LAMA2: variants seen among roughly 807,000 people sequenced by gnomAD.
The protein encoded by LAMA2 is laminin subunit alpha 2.
In LAMA2, 269 loss-of-function variants were observed where a neutral mutation model predicts 364.8. The ratio of observed to expected loss-of-function variants is 0.74; its 90% CI spans 0.67 to 0.82. The LOEUF is 0.82. LAMA2 is among the 40% of genes least tolerant of loss of function. The pLI, the probability that LAMA2 is intolerant of heterozygous loss-of-function variation, is 0.00. For synonymous variants in LAMA2, 1,379 were observed against 1,370.6 expected, an observed-to-expected ratio of 1.01 and a Z score of -0.14; for missense variants, 3,807 against 3,873.2, an observed-to-expected ratio of 0.98 and a Z score of 0.45.
chr6:129,053,921 G>A (rs1215153762), intron 2 of LAMA2, among the ~76,000 whole-genome samples: 3 of 152,184 alleles, frequency 2.0e-5, no homozygotes, highest in Non-Finnish European at 4.4e-5. Context: ...AGATGCTTGG[G>A]GGGAAAGGCA....
At chr6:128,995,735 T>G (rs1333595271) in intron 1 of LAMA2, among the ~76,000 whole-genome samples, 3 of 152,006 alleles carry the variant, frequency 2.0e-5, no homozygotes, top group African/African-American at 7.3e-5. Context: ...AAATCAGTAA[T>G]TTTTTATGTT....
intron 35 of LAMA2, among the ~76,000 whole-genome samples, chr6:129,386,754 C>G (rs1289339381): frequency 6.6e-6 from 1 of 152,044 alleles, no homozygotes; most frequent in Non-Finnish European, 1.5e-5. Flanking sequence ...TCTCCAAAAC[C>G]CATATCTAAA....
At chr6:129,448,899 G>T (rs1355072518) in intron 45 of LAMA2, among the ~76,000 whole-genome samples, 2 of 152,100 alleles carry the variant, frequency 1.3e-5, no homozygotes, top group South Asian at 2.1e-4. Context: ...ATATCCTAAA[G>T]ATTTCTTCTA....
At chr6:128,995,448 A>T (rs961620810) in intron 1 of LAMA2, among the ~76,000 whole-genome samples, 1 of 152,158 alleles carries the variant, frequency 6.6e-6, no homozygotes, top group South Asian at 2.1e-4. Context: ...CAGCCTCCAT[A>T]GTAGCTGGGA....
At chr6:129,361,947 C>A (rs768818714) in intron 32 of LAMA2, among the ~76,000 whole-genome samples, 82 of 151,840 alleles carry the variant, frequency 5.4e-4, no homozygotes, top group Non-Finnish European at 9.6e-4. Flanking sequence ...CCACACCTGG[C>A]TAATTTTTGT....
At chr6:129,242,525 C>A (rs757331897) in intron 12 of LAMA2, among the ~76,000 whole-genome samples, 10 of 151,962 alleles carry the variant, frequency 6.6e-5, no homozygotes, top group South Asian at 2.1e-4. Context: ...AAATTTTGAA[C>A]CCTAGTCAAT....
Position 129,200,155 on chromosome 6 carries a change from T to TACAC in LAMA2, c.1782+7303_1782+7304insCACA, listed in dbSNP as rs1782122060. Among the ~76,000 whole-genome samples, 6 of 138,940 alleles carry TACAC rather than the reference T, an allele frequency of 4.3e-5. 1 individual carries two copies. The highest frequency in any genetic ancestry group is 1.6e-4 in the African/African-American group (6 of 38,004). The allele number at this position is 138,940 out of a possible 152,430, so 91.2% of individuals were successfully genotyped here. A position where few individuals can be genotyped will look rare whatever the true frequency, so the allele number is the denominator to read the frequency against. On this transcript the variant is annotated intron_variant, in intron 12 of 64. Transcript: ENST00000421865. The stretch of plus-strand genomic sequence containing the variant: ...ATATACGTGTACACATATACACGTG[T>TACAC]ATATATATATACGTGTACACATATA...
chr6:129,043,926 G>A (rs1455058389), intron 1 of LAMA2, among the ~76,000 whole-genome samples: 1 of 150,856 alleles, frequency 6.6e-6, no homozygotes, highest in African/African-American at 2.4e-5. Context: ...GTGTAGGTCT[G>A]GCATCAGTGA....
intron 34 of LAMA2, among the ~76,000 whole-genome samples, chr6:129,379,153 G>T (rs1778537522): frequency 6.6e-6 from 1 of 152,118 alleles, no homozygotes. Context: ...GGAGTTAAAT[G>T]ATGAGAACAC....
At chr6:129,222,088 G>A (rs1783893220) in intron 12 of LAMA2, among the ~76,000 whole-genome samples, 1 of 152,138 alleles carries the variant, frequency 6.6e-6, no homozygotes, top group Non-Finnish European at 1.5e-5. Flanking sequence ...TAACGGGGTG[G>A]TGAGGATTGT....
intron 34 of LAMA2, among the ~76,000 whole-genome samples, chr6:129,379,770 A>G (rs944784917): frequency 6.6e-6 from 1 of 152,234 alleles, no homozygotes; most frequent in African/African-American, 2.4e-5. Context: ...CTTCAACTGT[A>G]GCTCTTGAGC....
intron 1 of LAMA2, among the ~76,000 whole-genome samples, chr6:129,046,451 C>T (rs1313394934): frequency 6.6e-6 from 1 of 152,112 alleles, no homozygotes; most frequent in Non-Finnish European, 1.5e-5. Flanking sequence ...GGGAACTGCA[C>T]TTTATAAAAT....
chr6:129,222,890 T>A (rs536445489), intron 12 of LAMA2, among the ~76,000 whole-genome samples: 4 of 152,320 alleles, frequency 2.6e-5, no homozygotes, highest in Admixed American at 1.3e-4. Flanking sequence ...ATGGTATTTC[T>A]AGTTCTAGAT....
chr6:128,910,969 C>T (rs948724310), intron 1 of LAMA2, among the ~76,000 whole-genome samples: 1 of 151,164 alleles, frequency 6.6e-6, no homozygotes, highest in African/African-American at 2.5e-5. Flanking sequence ...GGTCAGGGAC[C>T]CACTTGAGGA....
rs117520212 is a variant in LAMA2 at position 129,380,452 on chromosome 6, C to T, written c.4960-2670C>T. Among the ~76,000 whole-genome samples the T allele has an allele frequency of 3.7e-3, 562 of 152,234 alleles. 5 individuals carry two copies. The highest frequency in any genetic ancestry group is 3.2e-3 in the Non-Finnish European group (216 of 68,020). On this transcript the variant is annotated intron_variant, in intron 34 of 64. Coordinates refer to ENST00000421865, the MANE Select transcript of LAMA2 (RefSeq NM_000426.4). ...AGACCAAGTTCTCACCCCCTTAGAG[C>T]TTACCTTACAGTTGGAGAGGTTGTC...
chr6:128,924,756 G>A (rs1419236845), intron 1 of LAMA2, among the ~76,000 whole-genome samples: 1 of 152,094 alleles, frequency 6.6e-6, no homozygotes, highest in Non-Finnish European at 1.5e-5. Flanking sequence ...TGACTCCACT[G>A]TAGGCCAACC....
intron 5 of LAMA2, among the ~76,000 whole-genome samples, chr6:129,145,905 G>T (rs927672467): frequency 6.6e-6 from 1 of 151,778 alleles, no homozygotes; most frequent in Non-Finnish European, 1.5e-5. Context: ...ATCTCTATTT[G>T]TGTCTATATT....
At chr6:129,493,083 A>AGGC (rs1562616250) in intron 58 of LAMA2, among the ~76,000 whole-genome samples, 1 of 152,130 alleles carries the variant, frequency 6.6e-6, no homozygotes, top group Non-Finnish European at 1.5e-5. Context: ...TGAACCCAGG[A>AGGC]GGCGGAGGTT....
At chr6:128,903,435 A>T (rs1012883943) in intron 1 of LAMA2, among the ~76,000 whole-genome samples, 2 of 152,198 alleles carry the variant, frequency 1.3e-5, no homozygotes, top group Non-Finnish European at 2.9e-5. Flanking sequence ...ACATGGTTGT[A>T]TGGAAGAGTT....
Sources: allele counts gnomAD v4.1 joint callset (sites outside exome capture counted in the v4.1 genomes callset), GRCh38; gene constraint gnomAD v4.1.1; transcripts MANE v1.5; gene names NCBI Gene and HGNC (gene_info 2026-07-23, HGNC 2026-07-21).